Variants in PRKCE observed in about 807,000 individuals in gnomAD.
PRKCE encodes the protein protein kinase C epsilon type.
PRKCE carries 16 observed loss-of-function variants against 85.4 expected under a neutral mutation model. That is an observed-to-expected ratio of 0.19 (90% CI 0.13 to 0.28). PRKCE has a LOEUF of 0.28. Ranked by LOEUF, PRKCE falls within the 10% of genes least tolerant of loss-of-function variation. The pLI is 1.00. For missense variants in PRKCE, 573 were observed against 975.2 expected (o/e 0.59, Z 5.49); for synonymous variants, 388 against 371.5 (o/e 1.04, Z -0.51).
chr2:46,148,490 C>G (rs1032117731), intron 12 of PRKCE, among the ~76,000 whole-genome samples: 7 of 152,226 alleles, frequency 4.6e-5, no homozygotes, highest in South Asian at 2.1e-4. Context: ...CTCCCCACCC[C>G]CTGAAGGCAC....
chr2:46,118,194 T>C (rs1482821223), intron 11 of PRKCE, among the ~76,000 whole-genome samples: 4 of 152,222 alleles, frequency 2.6e-5, no homozygotes, highest in South Asian at 2.1e-4. Context: ...GAGACTCCTT[T>C]GAGGTTGTTT....
intron 11 of PRKCE, among the ~76,000 whole-genome samples, chr2:46,114,076 G>T (rs1017386285): frequency 1.7e-4 from 26 of 152,166 alleles, no homozygotes; most frequent in Admixed American, 5.9e-4. Context: ...CATTTTTAAT[G>T]TCTGAACATC....
chr2:45,694,481 T>C (rs1677983794), intron 1 of PRKCE, among the ~76,000 whole-genome samples: 1 of 152,216 alleles, frequency 6.6e-6, no homozygotes, highest in Non-Finnish European at 1.5e-5. Flanking sequence ...ATCTAAGTGC[T>C]AACAGACACA....
intron 10 of PRKCE, chr2:46,011,008 A>T: frequency 1.6e-6 from 2 of 1,272,448 alleles, no homozygotes; most frequent in Non-Finnish European, 2.0e-6. Flanking sequence ...AGCATTTTTA[A>T]TTTACCGCAT....
chr2:45,863,717 G>A (rs148561622), intron 2 of PRKCE, among the ~76,000 whole-genome samples: 1 of 152,070 alleles, frequency 6.6e-6, no homozygotes, highest in Admixed American at 6.6e-5. Context: ...AGCTCTTCCT[G>A]GCTCGGAATA....
chr2:45,745,530 A>G (rs1683070657), intron 1 of PRKCE, among the ~76,000 whole-genome samples: 2 of 152,276 alleles, frequency 1.3e-5, no homozygotes, highest in African/African-American at 4.8e-5. Context: ...TCTTGTTGAA[A>G]CGAAAGCATG....
In PRKCE at chr2:46,068,988, A is replaced by C. The variant is rs983774522; in HGVS notation, c.1438-17220A>C. On this transcript the variant is annotated intron_variant, in intron 10 of 14. Transcript: ENST00000306156. The surrounding 1 kb of genome is among the most constrained non-coding windows in gnomAD (Gnocchi z 4.3). ...TCCCAACTTAGACCTGCAGAATCAG[A>C]ATATTTGGGTGTGGAGTCCAGGAAT... is the stretch of plus-strand genomic sequence containing the variant. 6.6e-6 allele frequency among the ~76,000 whole-genome samples: 1 copy of C among 152,188 alleles called. No homozygotes were observed. Among genetic ancestry groups the C allele is most frequent in the Non-Finnish European group, 1.5e-5 (1 of 68,042 alleles).
At chr2:45,979,650 A>G (rs1702726337) in intron 4 of PRKCE, among the ~76,000 whole-genome samples, 1 of 152,168 alleles carries the variant, frequency 6.6e-6, no homozygotes, top group South Asian at 2.1e-4. Flanking sequence ...TCTCCTCGCC[A>G]AGCACTGTTG....
At chr2:45,782,844 A>C (rs919113090) in intron 1 of PRKCE, among the ~76,000 whole-genome samples, 2 of 152,168 alleles carry the variant, frequency 1.3e-5, no homozygotes, top group African/African-American at 4.8e-5. Flanking sequence ...ACATGTTGGC[A>C]TGTGATTTCT....
intron 2 of PRKCE, among the ~76,000 whole-genome samples, chr2:45,903,359 TC>T (rs1696712675): frequency 6.6e-6 from 1 of 152,192 alleles, no homozygotes; most frequent in Non-Finnish European, 1.5e-5. Context: ...AGACAGAGCA[TC>T]CCCTTTTCTT....
intron 1 of PRKCE, among the ~76,000 whole-genome samples, chr2:45,688,534 A>G (rs1385352022): frequency 1.3e-5 from 2 of 152,262 alleles, no homozygotes; most frequent in Non-Finnish European, 2.9e-5. Flanking sequence ...TAGCAAAATG[A>G]AAAGAATTTA....
intron 2 of PRKCE, among the ~76,000 whole-genome samples, chr2:45,925,585 C>T (rs961138944): frequency 1.3e-5 from 2 of 152,192 alleles, no homozygotes; most frequent in Admixed American, 6.5e-5. Flanking sequence ...CGTGAACCAC[C>T]GCGCCCGGCC....
At chr2:46,020,072 A>C (rs1706519259) in intron 10 of PRKCE, among the ~76,000 whole-genome samples, 1 of 151,910 alleles carries the variant, frequency 6.6e-6, no homozygotes, top group Non-Finnish European at 1.5e-5. Flanking sequence ...CTGGTCTCGA[A>C]CTCCTGACCT....
At chr2:46,044,694 C>T (rs1708413150) in intron 10 of PRKCE, among the ~76,000 whole-genome samples, 2 of 152,180 alleles carry the variant, frequency 1.3e-5, no homozygotes, top group South Asian at 4.1e-4. Flanking sequence ...GCTGTGAGGT[C>T]ACCACACACG....
chr2:46,177,344 A>G (rs962709000), intron 14 of PRKCE, among the ~76,000 whole-genome samples: 1 of 152,272 alleles, frequency 6.6e-6, no homozygotes, highest in African/African-American at 2.4e-5. Context: ...ATAACAAAGT[A>G]CCAAAACCTG....
At chr2:46,009,337 G>T (rs936992266) in intron 9 of PRKCE, among the ~76,000 whole-genome samples, 9 of 152,130 alleles carry the variant, frequency 5.9e-5, no homozygotes, top group African/African-American at 2.2e-4. Flanking sequence ...TATCACATGT[G>T]TATAAATTTG....
intron 2 of PRKCE, among the ~76,000 whole-genome samples, chr2:45,960,861 C>A (rs939579701): frequency 6.6e-6 from 1 of 152,206 alleles, no homozygotes; most frequent in Non-Finnish European, 1.5e-5. Context: ...TTCTGCCCCC[C>A]AGTTTTCCTA....
chr2:45,903,223 G>A (rs535794968), intron 2 of PRKCE, among the ~76,000 whole-genome samples: 1 of 152,166 alleles, frequency 6.6e-6, no homozygotes, highest in Admixed American at 6.5e-5. Context: ...GTCCTCCAAG[G>A]GATCCCTGCC....
chr2:46,029,366 T>A (rs1707354394), intron 10 of PRKCE, among the ~76,000 whole-genome samples: 1 of 152,230 alleles, frequency 6.6e-6, no homozygotes, highest in Admixed American at 6.5e-5. Flanking sequence ...GGTGGTTTCA[T>A]CTTTTCCACA....
Sources: gnomAD v4.1 joint callset for allele counts (sites outside exome capture counted in the v4.1 genomes callset) on GRCh38, gnomAD v4.1.1 for gene constraint, Gnocchi (gnomAD v3.1) non-coding constraint, MANE v1.5 for transcripts, NCBI Gene and HGNC (gene_info 2026-07-23, HGNC 2026-07-21) for gene names.